The following MARCHF11 variants were observed in gnomAD, a reference collection of about 807,000 sequenced individuals.
MARCHF11 encodes the protein E3 ubiquitin-protein ligase MARCHF11.
In MARCHF11, 29 loss-of-function variants were observed where a neutral mutation model predicts 37.3. The observed-to-expected ratio is 0.78, with a 90% CI of 0.58 to 1.06. MARCHF11 has a LOEUF of 1.06. MARCHF11 is among the 50% of genes least tolerant of loss of function. The pLI is 0.00. For missense variants in MARCHF11, 482 were observed against 533.4 expected, an observed-to-expected ratio of 0.90 and a Z score of 0.95; for synonymous variants, 233 against 228.0, an observed-to-expected ratio of 1.02 and a Z score of -0.20.
chr5:16,128,684 TTAAC>T (rs1319125842), intron 2 of MARCHF11, among the ~76,000 whole-genome samples: 7 of 152,210 alleles, frequency 4.6e-5, no homozygotes, highest in Non-Finnish European at 1.0e-4. Flanking sequence ...AGAAAGTGTC[TTAAC>T]AAAAGAAATA....
At chr5:16,084,265 C>A (rs1736656443) in intron 3 of MARCHF11, among the ~76,000 whole-genome samples, 1 of 152,156 alleles carries the variant, frequency 6.6e-6, no homozygotes, top group Non-Finnish European at 1.5e-5. Flanking sequence ...AAGTAGTTTT[C>A]TTGTGCATGC....
At chr5:16,134,168 A>C (rs1163871727) in intron 2 of MARCHF11, among the ~76,000 whole-genome samples, 1 of 152,124 alleles carries the variant, frequency 6.6e-6, no homozygotes, top group Non-Finnish European at 1.5e-5. Context: ...CACTCATAAT[A>C]CTGGTGGGAA....
chr5:16,137,799 T>G (rs888895043), intron 2 of MARCHF11, among the ~76,000 whole-genome samples: 2 of 152,178 alleles, frequency 1.3e-5, no homozygotes, highest in Non-Finnish European at 2.9e-5. Context: ...GCAAAGAGAT[T>G]GGTGGCATTT....
rs1345201601 is a variant in MARCHF11 at position 16,161,683 on chromosome 5, T to A, written c.693+16043A>T. Reference sequence around the variant, plus strand: ...TGGAAGCCATTTATTTCAAATGGAGTCTGGAAGCCCAAATATCAATTTGTG... The same window carrying A: ...TGGAAGCCATTTATTTCAAATGGAGACTGGAAGCCCAAATATCAATTTGTG... On this transcript the variant is annotated intron_variant, in intron 2 of 3. Transcript: ENST00000332432. Among the ~76,000 whole-genome samples, 3 of 151,902 alleles carry A rather than the reference T, an allele frequency of 2.0e-5. No individual in the cohort carries two copies. In the East Asian group the frequency reaches 5.8e-4, roughly 30 times the overall value.
intron 3 of MARCHF11, among the ~76,000 whole-genome samples, chr5:16,080,998 C>T (rs1736599799): frequency 6.6e-6 from 1 of 152,098 alleles, no homozygotes; most frequent in African/African-American, 2.4e-5. Context: ...CTTCCCATAC[C>T]AGATTTCATA....
rs764071991 is a variant in MARCHF11 at position 16,177,867 on chromosome 5, G to A, written c.552C>T (p.Asn184=). 2 of 1,607,300 alleles carry A rather than the reference G, an allele frequency of 1.2e-6. No individual in the cohort carries two copies. Among genetic ancestry groups the A allele is most frequent in the East Asian group, 2.2e-5 (1 of 44,682 alleles). ...GAACTGACCCATCACATCGGCAGGG[G>A]TTCAACAACTCACCCTAAAAAGAAA... The part of the protein sequence containing the change: ...FQGAEQGELL[N]PCRCDGSVRY... The change falls in exon 2 of 4, where the codon AAC becomes AAT. Residue 184 remains asparagine (N), a synonymous_variant. Transcript: ENST00000332432.
intron 2 of MARCHF11, among the ~76,000 whole-genome samples, chr5:16,165,736 C>G (rs1380227886): frequency 6.6e-6 from 1 of 152,052 alleles, no homozygotes; most frequent in Non-Finnish European, 1.5e-5. Flanking sequence ...AGTGATAATG[C>G]TATCAGTTAT....
intron 2 of MARCHF11, among the ~76,000 whole-genome samples, chr5:16,158,581 G>C (rs1350910024): frequency 1.3e-5 from 2 of 151,842 alleles, no homozygotes; most frequent in African/African-American, 4.8e-5. Context: ...GGTTACCAAG[G>C]GCCAAAGGTG....
rs189093081 is a variant in MARCHF11, at chr5:16,118,536, C to T, written c.694-27455G>A. ...AAAAGACCAAGAATTCTTTTATAGA[C>T]ATATTCAGTTTGAAATTCTCATTAA... On this transcript the variant is annotated intron_variant, in intron 2 of 3. Transcript: ENST00000332432. Among the ~76,000 whole-genome samples the T allele has an allele frequency of 2.6e-5, 4 of 152,314 alleles. No homozygotes were observed. In the East Asian group the frequency reaches 7.7e-4, roughly 29 times the overall value.
intron 2 of MARCHF11, among the ~76,000 whole-genome samples, chr5:16,171,227 G>A (rs1036255396): frequency 6.6e-6 from 1 of 151,640 alleles, no homozygotes; most frequent in Non-Finnish European, 1.5e-5. Context: ...CTAGCATTAG[G>A]TATATCTCCC....
chr5:16,076,174 A>G (rs1317446717), intron 3 of MARCHF11, among the ~76,000 whole-genome samples: 1 of 152,220 alleles, frequency 6.6e-6, no homozygotes, highest in Non-Finnish European at 1.5e-5. Context: ...AGATGGGAGT[A>G]TCTCCTGATC....
intron 3 of MARCHF11, among the ~76,000 whole-genome samples, chr5:16,069,709 G>A (rs1190314679): frequency 2.6e-5 from 4 of 152,120 alleles, no homozygotes; most frequent in African/African-American, 9.7e-5. Context: ...AGAGTCCCAA[G>A]TTTTTAAGGC....
chr5:16,134,107 A>G (rs765646096), intron 2 of MARCHF11, among the ~76,000 whole-genome samples: 1 of 152,208 alleles, frequency 6.6e-6, no homozygotes, highest in African/African-American at 2.4e-5. Flanking sequence ...AAGTCGAAAC[A>G]AATTTAAAAA....
intron 3 of MARCHF11, among the ~76,000 whole-genome samples, chr5:16,071,806 A>G (rs1260540309): frequency 6.6e-6 from 1 of 152,130 alleles, no homozygotes; most frequent in Non-Finnish European, 1.5e-5. Context: ...TTTTTTTTGG[A>G]TAAGTTTGGT....
In MARCHF11 at chr5:16,123,078, C is replaced by T. The variant is rs190477225; in HGVS notation, c.694-31997G>A. On this transcript the variant is annotated intron_variant, in intron 2 of 3. Coordinates refer to ENST00000332432, the MANE Select transcript of MARCHF11 (RefSeq NM_001102562.3). ...CAAAGTCAGCTCCTCCAGCGCAAGT[C>T]CATTCCCTCTTCCGAACCCTTTGCT... is the stretch of plus-strand genomic sequence containing the variant. 1.2e-3 allele frequency among the ~76,000 whole-genome samples: 190 copies of T among 152,308 alleles called. 1 individual carries two copies. Among genetic ancestry groups the T allele is most frequent in the Admixed American group, 2.0e-3 (31 of 15,296 alleles).
chr5:16,157,672 T>A (rs1210995332), intron 2 of MARCHF11, among the ~76,000 whole-genome samples: 2 of 151,860 alleles, frequency 1.3e-5, no homozygotes, highest in Non-Finnish European at 2.9e-5. Flanking sequence ...TCACACTGCA[T>A]ACAAAAATCA....
chr5:16,121,866 C>G (rs1267322090), intron 2 of MARCHF11, among the ~76,000 whole-genome samples: 1 of 152,164 alleles, frequency 6.6e-6, no homozygotes, highest in Non-Finnish European at 1.5e-5. Context: ...GCAATACTAT[C>G]ACAGCTGTCC....
At chr5:16,139,341 C>A (rs572121234) in intron 2 of MARCHF11, among the ~76,000 whole-genome samples, 56 of 152,294 alleles carry the variant, frequency 3.7e-4, no homozygotes, top group African/African-American at 1.3e-3. Context: ...TAAGATGTGA[C>A]TTTGCTTCTC....
At chr5:16,141,708 A>G (rs778795518) in intron 2 of MARCHF11, 34 of 152,246 alleles carry the variant, frequency 2.2e-4, no homozygotes, top group Non-Finnish European at 4.4e-4. Context: ...TTAAAATCCA[A>G]TAAAATCTAC....
Sources: gnomAD v4.1 joint callset for allele counts (sites outside exome capture counted in the v4.1 genomes callset) on GRCh38, gnomAD v4.1.1 for gene constraint, MANE v1.5 for transcripts, NCBI Gene and HGNC (gene_info 2026-07-23, HGNC 2026-07-21) for gene names.